The following STAT5B variants were observed in gnomAD, a reference collection of about 807,000 sequenced individuals.
STAT5B encodes signal transducer and activator of transcription 5B, also known as transcription factor STAT5B.
Under a neutral mutation model 107.8 loss-of-function variants are expected in STAT5B, and 21 were observed. The observed-to-expected ratio is 0.19, with a 90% CI of 0.14 to 0.28. STAT5B has a LOEUF of 0.28. Ranked by LOEUF, STAT5B falls within the 10% of genes least tolerant of loss-of-function variation. STAT5B has a pLI of 1.00. For missense variants in STAT5B, 565 were observed against 1,008.2 expected (o/e 0.56, Z 5.95); for synonymous variants, 325 against 401.7 (o/e 0.81, Z 2.28).
intron 1 of STAT5B, among the ~76,000 whole-genome samples, chr17:42,273,753 TAAC>T (rs958886391): frequency 3.9e-5 from 6 of 152,174 alleles, no homozygotes; most frequent in Admixed American, 2.0e-4. Flanking sequence ...CCTACCTACA[TAAC>T]AACAAGCCAA....
chr17:42,225,860 C>T (rs575399470), intron 3 of STAT5B, among the ~76,000 whole-genome samples: 4 of 152,198 alleles, frequency 2.6e-5, no homozygotes, highest in South Asian at 2.1e-4. Flanking sequence ...GCAATGTTAA[C>T]GTAATCATGA....
chr17:42,200,542 G>T lies in STAT5B; in HGVS notation c.*1196C>A, dbSNP rs2080035721. 1 of 152,896 alleles carries T rather than the reference G, an allele frequency of 6.5e-6. No homozygotes were observed. The highest frequency in any genetic ancestry group is 1.5e-5 in the Non-Finnish European group (1 of 68,176). 9.5% of individuals were successfully genotyped at this position (152,896 alleles called of 1,614,324 possible). On this transcript the variant is annotated 3_prime_UTR_variant, in exon 19 of 19. Transcript: ENST00000293328. ...TCCACACATTACCAACACCTGCCAG[G>T]ACTTCACAGCAGGGTGACCCGCTAA...
chr17:42,238,095 T>TATCCATCCATCC (rs60439745), intron 1 of STAT5B, among the ~76,000 whole-genome samples: 1 of 140,996 alleles, frequency 7.1e-6, no homozygotes, highest in Non-Finnish European at 1.5e-5. Context: ...TAAACTTTTC[T>TATCCATCCATCC]ATCCATCCAT....
Position 42,201,288 on chromosome 17 carries a change from A to G in STAT5B, c.*450T>C. ...TATATATCAATTGCTTGGCAGACAG[A>G]GTGACGAAGACTCACTGGAGCACAT... On this transcript the variant is annotated 3_prime_UTR_variant, in exon 19 of 19. Transcript: ENST00000293328. The G allele has an allele frequency of 4.1e-6, 2 of 488,762 alleles. No homozygotes were observed. The highest frequency in any genetic ancestry group is 4.3e-5 in the South Asian group (1 of 23,198). The allele number at this position is 488,762 out of a possible 1,614,324, so 30.3% of individuals were successfully genotyped here.
intron 16 of STAT5B, among the ~76,000 whole-genome samples, chr17:42,207,028 C>T (rs1225992024): frequency 1.3e-5 from 2 of 151,846 alleles, no homozygotes; most frequent in South Asian, 4.1e-4. Flanking sequence ...AAGTGCCTGC[C>T]ACCACACCTA....
At chr17:42,267,335 G>T (rs2080681785) in intron 1 of STAT5B, among the ~76,000 whole-genome samples, 2 of 152,150 alleles carry the variant, frequency 1.3e-5, no homozygotes, top group South Asian at 2.1e-4. Context: ...CCTTCAGGAG[G>T]CATTGTTATC....
chr17:42,263,877 A>G lies in STAT5B; in HGVS notation c.-11+12371T>C, dbSNP rs113952333. 3.4e-3 allele frequency among the ~76,000 whole-genome samples: 455 copies of G among 133,914 alleles called. 4 individuals are homozygous for G. Among genetic ancestry groups the G allele is most frequent in the African/African-American group, 8.1e-3 (300 of 37,124 alleles). The allele number at this position is 133,914 out of a possible 152,430, so 87.9% of individuals were successfully genotyped here. A position where few individuals can be genotyped will look rare whatever the true frequency, so the allele number is the denominator to read the frequency against. Reference sequence around the variant, plus strand: ...GAAAGATACTAGAAAGCGCGCACACACACACACACACACACACACACACAC... The same window carrying G: ...GAAAGATACTAGAAAGCGCGCACACGCACACACACACACACACACACACAC... On this transcript the variant is annotated intron_variant, in intron 1 of 18. Coordinates refer to ENST00000293328, the MANE Select transcript of STAT5B (RefSeq NM_012448.4).
rs572825665 is a variant in STAT5B, at chr17:42,231,904, T to C, written c.128+96A>G. ...GATCACATTTAAAAATGTTTAAAAA[T>C]ACAACTTTGAAAGTTGCCATCATGA... is the stretch of plus-strand genomic sequence containing the variant. On this transcript the variant is annotated intron_variant, in intron 2 of 18. Coordinates refer to ENST00000293328, the MANE Select transcript of STAT5B (RefSeq NM_012448.4). The C allele has an allele frequency of 1.3e-5, 21 of 1,569,162 alleles. No homozygotes were observed. The East Asian group carries it at 2.1e-4, about 15-fold the overall frequency.
chr17:42,212,291 C>T (rs2144225354), intron 12 of STAT5B, 101 bp from the exon 13 acceptor site: 1 of 1,577,692 alleles, frequency 6.3e-7, no homozygotes, highest in Non-Finnish European at 8.6e-7. Flanking sequence ...TGGTTACACA[C>T]ATTTGTCTTG....
At chr17:42,287,192 G>T in the STAT5B span, among the ~76,000 whole-genome samples, 1 of 150,814 alleles carries the variant, frequency 6.6e-6, no homozygotes, top group Non-Finnish European at 1.5e-5. Flanking sequence ...CTGCAGCTTT[G>T]AAGTTCTTTT....
chr17:42,282,822 A>C, the STAT5B span, among the ~76,000 whole-genome samples: 2 of 152,184 alleles, frequency 1.3e-5, no homozygotes, highest in African/African-American at 4.8e-5. Flanking sequence ...ACCCTAGGAA[A>C]GATGAGGCCA....
At chr17:42,242,574 T>C (rs1489570642) in intron 1 of STAT5B, among the ~76,000 whole-genome samples, 2 of 151,752 alleles carry the variant, frequency 1.3e-5, no homozygotes, top group African/African-American at 4.8e-5. Context: ...CAAATCCAAA[T>C]TGTGAGACTC....
intron 15 of STAT5B, among the ~76,000 whole-genome samples, chr17:42,208,832 C>G (rs1012473032): frequency 4.0e-5 from 6 of 149,642 alleles, no homozygotes; most frequent in South Asian, 2.1e-4. Flanking sequence ...CCCGGGTTCA[C>G]GCCATTCTCC....
At chr17:42,202,917 C>A (rs1420107864) in intron 16 of STAT5B, 109 bp from the exon 17 acceptor site, 9 of 1,377,514 alleles carry the variant, frequency 6.5e-6, no homozygotes, top group Non-Finnish European at 9.3e-6. Context: ...CCTAACTTAT[C>A]TAAGGATATG....
intron 15 of STAT5B, among the ~76,000 whole-genome samples, chr17:42,209,296 C>A (rs2080110526): frequency 6.6e-6 from 1 of 151,956 alleles, no homozygotes; most frequent in Admixed American, 6.6e-5. Flanking sequence ...CTCAAGAGAT[C>A]CTCCTGCCTG....
At chr17:42,237,433 A>C (rs1365296330) in intron 1 of STAT5B, among the ~76,000 whole-genome samples, 1 of 152,194 alleles carries the variant, frequency 6.6e-6, no homozygotes, top group South Asian at 2.1e-4. Flanking sequence ...ATAACAAAGA[A>C]AAACATTACT....
intron 4 of STAT5B, among the ~76,000 whole-genome samples, chr17:42,224,098 G>C (rs1598308057): frequency 6.6e-6 from 1 of 152,110 alleles, no homozygotes; most frequent in African/African-American, 2.4e-5. Flanking sequence ...GTGAAGTGAT[G>C]GGGGAGGCAT....
chr17:42,267,775 A>G (rs2080686300), intron 1 of STAT5B, among the ~76,000 whole-genome samples: 1 of 152,108 alleles, frequency 6.6e-6, no homozygotes, highest in Non-Finnish European at 1.5e-5. Context: ...CCTGGCCAAC[A>G]TGGTGAAACC....
At chr17:42,236,976 G>C (rs1438365315) in intron 1 of STAT5B, among the ~76,000 whole-genome samples, 1 of 152,222 alleles carries the variant, frequency 6.6e-6, no homozygotes, top group Non-Finnish European at 1.5e-5. Context: ...GACAAGGGAA[G>C]TAGTTTGTTC....
Sources: allele counts gnomAD v4.1 joint callset (sites outside exome capture counted in the v4.1 genomes callset), GRCh38; gene constraint gnomAD v4.1.1; transcripts MANE v1.5; gene names NCBI Gene and HGNC (gene_info 2026-07-23, HGNC 2026-07-21).